Variants in ERG observed in about 807,000 individuals in gnomAD.
ERG encodes transcriptional regulator ERG.
A neutral mutation model predicts 55.3 loss-of-function variants in ERG; 9 were observed. That is an observed-to-expected ratio of 0.16 (90% CI 0.10 to 0.28). The LOEUF (loss-of-function observed/expected upper bound fraction) is 0.28. Ranked by LOEUF, ERG falls within the 10% of genes least tolerant of loss-of-function variation. The probability of loss-of-function intolerance (pLI) is 1.00; values close to 1 mark genes in which losing one functional copy is unlikely to be tolerated. For missense variants in ERG, 434 were observed against 631.6 expected (o/e 0.69, Z 3.35); for synonymous variants, 223 against 237.3 (o/e 0.94, Z 0.55).
intron 2 of ERG, among the ~76,000 whole-genome samples, chr21:38,555,205 T>G (rs2059850563): frequency 6.6e-6 from 1 of 151,840 alleles, no homozygotes; most frequent in African/African-American, 2.4e-5. Context: ...CACACGCCTG[T>G]AATCCCAGCT....
intron 1 of ERG, among the ~76,000 whole-genome samples, chr21:38,452,659 G>A (rs1330916877): frequency 6.6e-6 from 1 of 152,100 alleles, no homozygotes; most frequent in Non-Finnish European, 1.5e-5. Context: ...TTTCACCTCT[G>A]CTCCTTCCTC....
intron 1 of ERG, among the ~76,000 whole-genome samples, chr21:38,476,150 G>A (rs1165885394): frequency 2.6e-5 from 4 of 152,146 alleles, no homozygotes; most frequent in South Asian, 4.1e-4. Flanking sequence ...GCTCCGTGTG[G>A]CAGCAGCAAA....
At chr21:38,404,639 C>G (rs1195899219) in intron 3 of ERG, among the ~76,000 whole-genome samples, 7 of 152,184 alleles carry the variant, frequency 4.6e-5, no homozygotes, top group African/African-American at 1.7e-4. Context: ...GAGTTCTAAT[C>G]TCACCATTTC....
At chr21:38,427,738 C>T (rs1399742698) in intron 2 of ERG, among the ~76,000 whole-genome samples, 3 of 152,192 alleles carry the variant, frequency 2.0e-5, no homozygotes, top group Non-Finnish European at 2.9e-5. Context: ...AAGGTGTACA[C>T]TAAAGCACTC....
intron 2 of ERG, among the ~76,000 whole-genome samples, chr21:38,431,726 T>C (rs1990221750): frequency 6.6e-6 from 1 of 152,158 alleles, no homozygotes; most frequent in Non-Finnish European, 1.5e-5. Context: ...AATAAAGCTC[T>C]CCCTGGGTTA....
intron 1 of ERG, among the ~76,000 whole-genome samples, chr21:38,490,871 T>C (rs2146675118): frequency 6.6e-6 from 1 of 152,330 alleles, no homozygotes; most frequent in South Asian, 2.1e-4. Context: ...GCCAATCCCT[T>C]TTCCACAGAG....
At chr21:38,405,459 G>A (rs1337574114) in intron 3 of ERG, among the ~76,000 whole-genome samples, 1 of 152,022 alleles carries the variant, frequency 6.6e-6, no homozygotes, top group Non-Finnish European at 1.5e-5. Flanking sequence ...AATCATCTGG[G>A]GAGACTGAAA....
intron 2 of ERG, among the ~76,000 whole-genome samples, chr21:38,426,551 G>A (rs1434327416): frequency 6.6e-6 from 1 of 152,068 alleles, no homozygotes; most frequent in African/African-American, 2.4e-5. Flanking sequence ...ATCAAGTGCC[G>A]GCCGTATACC....
intron 1 of ERG, among the ~76,000 whole-genome samples, chr21:38,450,704 G>A (rs1347444423): frequency 6.6e-6 from 1 of 152,254 alleles, no homozygotes; most frequent in East Asian, 1.9e-4. Flanking sequence ...ATTCTATTTT[G>A]TTGATTACAA....
intron 1 of ERG, among the ~76,000 whole-genome samples, chr21:38,469,436 A>G (rs1352685383): frequency 1.3e-5 from 2 of 152,214 alleles, no homozygotes; most frequent in Non-Finnish European, 2.9e-5. Flanking sequence ...GCTCACGAAC[A>G]CCATCACATG....
chr21:38,525,191 C>G (rs181625702), intron 2 of ERG, among the ~76,000 whole-genome samples: 102 of 152,312 alleles, frequency 6.7e-4, no homozygotes, highest in African/African-American at 2.1e-3. Flanking sequence ...ACAGGATTCT[C>G]AAGCCCCTCC....
chr21:38,643,945 C>A (rs2060440779), intron 1 of ERG, among the ~76,000 whole-genome samples: 1 of 152,254 alleles, frequency 6.6e-6, no homozygotes, highest in Non-Finnish European at 1.5e-5. Flanking sequence ...ACACCATCCA[C>A]TGCCAGAACT....
At chr21:38,550,179 C>T (rs1039378007) in intron 2 of ERG, among the ~76,000 whole-genome samples, 1 of 152,124 alleles carries the variant, frequency 6.6e-6, no homozygotes, top group Non-Finnish European at 1.5e-5. Context: ...TGCTGAGTCA[C>T]AGGAAAGAAG....
At chr21:38,607,492 C>T (rs937326859) in intron 1 of ERG, among the ~76,000 whole-genome samples, 2 of 152,144 alleles carry the variant, frequency 1.3e-5, no homozygotes, top group South Asian at 2.1e-4. Context: ...ATTAGCCGGG[C>T]ATGGTGGCGG....
intron 1 of ERG, among the ~76,000 whole-genome samples, chr21:38,604,886 T>C (rs2060187392): frequency 6.6e-6 from 1 of 152,236 alleles, no homozygotes; most frequent in Admixed American, 6.5e-5. Flanking sequence ...TTTGCTCTTG[T>C]TGGGAGTGTG....
intron 2 of ERG, among the ~76,000 whole-genome samples, chr21:38,540,191 G>A (rs1033236401): frequency 2.0e-5 from 3 of 152,054 alleles, no homozygotes; most frequent in Non-Finnish European, 4.4e-5. Flanking sequence ...CACTGTGCCA[G>A]TTAAAAGAAA....
At chr21:38,549,544 G>A (rs1017272931) in intron 2 of ERG, among the ~76,000 whole-genome samples, 3 of 152,172 alleles carry the variant, frequency 2.0e-5, no homozygotes, top group Non-Finnish European at 4.4e-5. Flanking sequence ...CCTGATTGTT[G>A]GGGTTTATTA....
intron 2 of ERG, among the ~76,000 whole-genome samples, chr21:38,542,763 C>T (rs1184351105): frequency 6.6e-6 from 1 of 152,062 alleles, no homozygotes; most frequent in Admixed American, 6.5e-5. Context: ...TAAATAGATA[C>T]TCCATGTGAG....
chr21:38,399,567 G>A (rs369340963), intron 6 of ERG, among the ~76,000 whole-genome samples: 4 of 152,176 alleles, frequency 2.6e-5, no homozygotes, highest in African/African-American at 9.7e-5. Flanking sequence ...CTAGCTTATC[G>A]GGCTGATGTA....
Sources: allele counts gnomAD v4.1 joint callset (sites outside exome capture counted in the v4.1 genomes callset), GRCh38; gene constraint gnomAD v4.1.1; transcripts MANE v1.5; gene names NCBI Gene and HGNC (gene_info 2026-07-23, HGNC 2026-07-21).